The following GFPT1 variants were observed in gnomAD, a reference collection of about 807,000 sequenced individuals.
The protein encoded by GFPT1 is glutamine--fructose-6-phosphate transaminase 1.
In GFPT1, 40 loss-of-function variants were observed where a neutral mutation model predicts 92.0. The observed-to-expected ratio is 0.43, with a 90% CI of 0.34 to 0.57. The LOEUF is 0.57. Among genes scored for constraint, GFPT1 ranks in the 20% least tolerant of loss-of-function variants. GFPT1 has a pLI of 0.02. For missense variants in GFPT1, 448 were observed against 869.1 expected (o/e 0.52, Z 6.09); for synonymous variants, 269 against 280.6 (o/e 0.96, Z 0.41).
rs780340372 is a variant in GFPT1, at chr2:69,328,700, C to CT, written c.1726-263_1726-262insA. 8.0e-5 allele frequency among the ~76,000 whole-genome samples: 8 copies of CT among 99,924 alleles called. 1 individual carries two copies. The highest frequency in any genetic ancestry group is 1.7e-4 in the African/African-American group (3 of 17,998). 65.6% of individuals were successfully genotyped at this position (99,924 alleles called of 152,430 possible). On this transcript the variant is annotated intron_variant, in intron 17 of 19. Transcript: ENST00000357308. ...AAACATATTCATATTTCTGGTTAAC[C>CT]CTTTTTTTTTTTTTTTTTAAGACAG...
intron 15 of GFPT1, chr2:69,334,732 A>T (rs1670751167): frequency 6.6e-6 from 1 of 152,234 alleles, no homozygotes; most frequent in African/African-American, 2.4e-5. Flanking sequence ...GAAGCTAGAC[A>T]CACAAGACGT....
Position 69,322,361 on chromosome 2 carries a change from T to C in GFPT1, c.*3828A>G, listed in dbSNP as rs1344641234. The stretch of plus-strand genomic sequence containing the variant: ...GCATACAATAGTTAACATTAGTTCT[T>C]TTATTGCTATGGTATATGCTAATTT... On this transcript the variant is annotated 3_prime_UTR_variant, in exon 20 of 20. Transcript: ENST00000357308. 1 of 152,190 alleles carries C rather than the reference T, an allele frequency of 6.6e-6. No individual in the cohort carries two copies. Among genetic ancestry groups the C allele is most frequent in the African/African-American group, 2.4e-5 (1 of 41,444 alleles). 9.4% of individuals were successfully genotyped at this position (152,190 alleles called of 1,614,324 possible). A position where few individuals can be genotyped will look rare whatever the true frequency, so the allele number is the denominator to read the frequency against.
intron 11 of GFPT1, among the ~76,000 whole-genome samples, chr2:69,346,333 G>T (rs978724832): frequency 2.6e-5 from 4 of 152,046 alleles, no homozygotes; most frequent in African/African-American, 9.7e-5. Flanking sequence ...TGGCCTCCTG[G>T]ATTCAAGGGA....
chr2:69,333,885 C>T (rs776358504), intron 15 of GFPT1, among the ~76,000 whole-genome samples: 1 of 152,144 alleles, frequency 6.6e-6, no homozygotes, highest in South Asian at 2.1e-4. Context: ...TGGCTGGGCG[C>T]GGTGGCTTAC....
chr2:69,347,466 A>C (rs1671110811), intron 11 of GFPT1, among the ~76,000 whole-genome samples: 1 of 143,762 alleles, frequency 7.0e-6, no homozygotes. Context: ...TGTGTCAGAC[A>C]CTGTTTTAAG....
chr2:69,327,735 T>A, intron 18 of GFPT1, among the ~76,000 whole-genome samples: 1 of 152,172 alleles, frequency 6.6e-6, no homozygotes, highest in Non-Finnish European at 1.5e-5. Flanking sequence ...GAAGACAGGA[T>A]GTGGAGACCA....
rs112875544 is a variant in GFPT1 at position 69,381,041 on chromosome 2, G to A, written c.7+6024C>T. On this transcript the variant is annotated intron_variant, in intron 1 of 19. Transcript: ENST00000357308. Reference sequence around the variant, plus strand: ...GTCACCCAGGCTGGAGGGCAGTGGCGCTATCTCAGCTCACTGCAACCTCCA... The same window carrying A: ...GTCACCCAGGCTGGAGGGCAGTGGCACTATCTCAGCTCACTGCAACCTCCA... Among the ~76,000 whole-genome samples the A allele has an allele frequency of 1.1e-3, 171 of 151,392 alleles. 2 individuals are homozygous for A. Among genetic ancestry groups the A allele is most frequent in the African/African-American group, 3.9e-3 (162 of 41,214 alleles).
chr2:69,352,612 CAAAAAAAAAAAAAAA>C (rs748958210), intron 9 of GFPT1, among the ~76,000 whole-genome samples: 1 of 47,380 alleles, frequency 2.1e-5, no homozygotes, highest in African/African-American at 7.6e-5. Flanking sequence ...GACTTCGTCT[CAAAAAAAAAAAAAAA>C]AAAAAAAAAA....
chr2:69,340,696 A>G (rs962998771), intron 13 of GFPT1, among the ~76,000 whole-genome samples: 1 of 152,090 alleles, frequency 6.6e-6, no homozygotes, highest in Non-Finnish European at 1.5e-5. Flanking sequence ...AATGTAAAAC[A>G]GGATAAAATA....
chr2:69,386,330 A>G (rs894933440), intron 1 of GFPT1, among the ~76,000 whole-genome samples: 5 of 152,264 alleles, frequency 3.3e-5, no homozygotes, highest in African/African-American at 7.2e-5. Flanking sequence ...GGGATAAATG[A>G]TATTTTTCAT....
intron 11 of GFPT1, among the ~76,000 whole-genome samples, chr2:69,347,389 G>A (rs539773643): frequency 1.6e-4 from 25 of 151,840 alleles, no homozygotes; most frequent in Non-Finnish European, 3.1e-4. Context: ...CCATCAGAAA[G>A]GAATAAAATA....
At chr2:69,369,962 G>T in intron 3 of GFPT1, 39 bp downstream of exon 3, 2 of 1,130,264 alleles carry the variant, frequency 1.8e-6, no homozygotes, top group Non-Finnish European at 2.7e-6. Context: ...AAAAGGAAGA[G>T]AAGGGGAAAG....
intron 1 of GFPT1, among the ~76,000 whole-genome samples, chr2:69,381,582 G>A (rs1279107076): frequency 6.9e-6 from 1 of 144,812 alleles, no homozygotes; most frequent in Non-Finnish European, 1.5e-5. Context: ...TAACAGTCCT[G>A]CTCTGTCACC....
intron 19 of GFPT1, 93 bp from the exon 20 acceptor site, chr2:69,326,326 A>G (rs1335471742): frequency 1.3e-6 from 1 of 758,426 alleles, no homozygotes; most frequent in Non-Finnish European, 2.3e-6. Context: ...TTTGTTTATA[A>G]AAACAGAAAA....
chr2:69,354,977 C>G (rs1671300683), intron 7 of GFPT1, among the ~76,000 whole-genome samples: 1 of 152,196 alleles, frequency 6.6e-6, no homozygotes. Flanking sequence ...GCACTCCAGC[C>G]TGGATGACAG....
intron 18 of GFPT1, among the ~76,000 whole-genome samples, chr2:69,327,725 G>GA (rs1244365384): frequency 6.6e-6 from 1 of 152,128 alleles, no homozygotes; most frequent in Non-Finnish European, 1.5e-5. Flanking sequence ...TTAACTAAAA[G>GA]AAGACAGGAT....
At chr2:69,366,089 C>T (rs1368490769) in intron 3 of GFPT1, among the ~76,000 whole-genome samples, 1 of 152,220 alleles carries the variant, frequency 6.6e-6, no homozygotes, top group East Asian at 1.9e-4. Context: ...GCTGGGATTA[C>T]AGGCGTGAGC....
Position 69,358,480 on chromosome 2 carries a change from A to T in GFPT1, c.409-17T>A, listed in dbSNP as rs1333327521. 6.4e-7 allele frequency: 1 copy of T among 1,554,316 alleles called. No individual in the cohort carries two copies. The highest frequency in any genetic ancestry group is 8.9e-7 in the Non-Finnish European group (1 of 1,129,676). On this transcript the variant is annotated splice_polypyrimidine_tract_variant and intron_variant, in intron 5 of 19. Transcript: ENST00000357308. ...TTTGCTTTCCTGTAAGTAGAAAGAA[A>T]AAAAAGATACAATTAAAGAAATATT...
At chr2:69,355,409 T>TTC (rs67451716) in intron 7 of GFPT1, among the ~76,000 whole-genome samples, 1 of 20,828 alleles carries the variant, frequency 4.8e-5, no homozygotes, top group Non-Finnish European at 8.4e-5. Context: ...TTTTAATTAT[T>TTC]TTTCTTAATT....
Sources: gnomAD v4.1 joint callset for allele counts (sites outside exome capture counted in the v4.1 genomes callset) on GRCh38, gnomAD v4.1.1 for gene constraint, MANE v1.5 for transcripts, NCBI Gene and HGNC (gene_info 2026-07-23, HGNC 2026-07-21) for gene names.